PDE6C: variants seen among roughly 807,000 people sequenced by gnomAD.
PDE6C encodes the protein cone cGMP-specific 3',5'-cyclic phosphodiesterase subunit alpha'.
A neutral mutation model predicts 113.1 loss-of-function variants in PDE6C; 75 were observed. That is an observed-to-expected ratio of 0.66 (90% CI 0.55 to 0.80). The LOEUF is 0.80. Among genes scored for constraint, PDE6C ranks in the 30% least tolerant of loss-of-function variants. The pLI is 0.00. For missense variants in PDE6C, 912 were observed against 1,038.6 expected (o/e 0.88, Z 1.67); for synonymous variants, 375 against 363.7 (o/e 1.03, Z -0.35).
chr10:93,619,614 C>T (rs2058435731), intron 1 of PDE6C, among the ~76,000 whole-genome samples: 1 of 152,228 alleles, frequency 6.6e-6, no homozygotes, highest in East Asian at 1.9e-4. Context: ...TTAGTAGAGA[C>T]AGGGTTTCAT....
Position 93,640,450 on chromosome 10 carries a change from G to A in PDE6C, c.1630G>A (p.Val544Ile). 6.2e-7 allele frequency: 1 copy of A among 1,606,452 alleles called. No individual in the cohort carries two copies. The highest frequency in any genetic ancestry group is 1.1e-5 in the South Asian group (1 of 90,934). Reference protein sequence around the residue: ...VVEKFKVPVEVLTRWMYTVRK... With the variant: ...VVEKFKVPVEILTRWMYTVRK... ...TCTGAATGGTGTCATCTTCTTTTAG[G>A]TTCTTACCAGATGGATGTACACTGT... Residue 544 changes from valine (V) to isoleucine (I), a missense_variant and splice_region_variant, in exon 13 of 22, where the codon GTT becomes ATT. Coordinates refer to ENST00000371447, the MANE Select transcript of PDE6C (RefSeq NM_006204.4).
rs1410533122 is a variant in PDE6C at position 93,655,789 on chromosome 10, G to GCGGC, written c.1966_1969dup (p.Gln657ProfsTer4). On this transcript the variant is annotated frameshift_variant, in exon 16 of 22. Coordinates refer to ENST00000371447, the MANE Select transcript of PDE6C (RefSeq NM_006204.4). LOFTEE classifies it high-confidence loss of function. ...TAAACATCTTCCAGAACCTAAATAA[G>GCGGC]CGGCAGTTTGAAACAGTTATTCATT... is the stretch of plus-strand genomic sequence containing the variant. 1 of 1,606,718 alleles carries GCGGC rather than the reference G, an allele frequency of 6.2e-7. No individual in the cohort carries two copies.
At chr10:93,634,012 C>T (rs545398416) in intron 8 of PDE6C, among the ~76,000 whole-genome samples, 4 of 152,060 alleles carry the variant, frequency 2.6e-5, no homozygotes, top group African/African-American at 9.6e-5. Flanking sequence ...CATCTAACAC[C>T]AAAAGATTAC....
chr10:93,640,169 C>A lies in PDE6C; in HGVS notation c.1582C>A (p.Leu528Met). The A allele has an allele frequency of 6.2e-7, 1 of 1,613,340 alleles. No homozygotes were observed. Among genetic ancestry groups the A allele is most frequent in the Non-Finnish European group, 8.5e-7 (1 of 1,179,320 alleles). Reference sequence around the variant, plus strand: ...CGGATTGATTAAATGTGGAATACGACTGTTTTTTGAAATAAATGTGGTGGA... The same window carrying A: ...CGGATTGATTAAATGTGGAATACGAATGTTTTTTGAAATAAATGTGGTGGA... Reference protein sequence around the residue: ...EHGLIKCGIRLFFEINVVEKF... With the variant: ...EHGLIKCGIRMFFEINVVEKF... Residue 528 changes from leucine (L) to methionine (M), a missense_variant, in exon 12 of 22, where the codon CTG (leucine) becomes ATG (methionine). Leu to Met is a conservative substitution (Grantham distance 15). Transcript: ENST00000371447.
At chr10:93,619,425 TTTTC>T (rs1026595279) in intron 1 of PDE6C, among the ~76,000 whole-genome samples, 2 of 152,158 alleles carry the variant, frequency 1.3e-5, no homozygotes, top group African/African-American at 4.8e-5. Flanking sequence ...GAACCTTTCT[TTTTC>T]TTTTTCTTTT....
intron 13 of PDE6C, 135 bp from the exon 14 acceptor site, chr10:93,640,785 A>G (rs2058555859): frequency 1.4e-6 from 1 of 717,068 alleles, no homozygotes; most frequent in Admixed American, 2.1e-5. Context: ...CCACAGTACT[A>G]CAATACTCAC....
At chr10:93,637,395 A>G (rs2134609071) in intron 11 of PDE6C, among the ~76,000 whole-genome samples, 1 of 152,226 alleles carries the variant, frequency 6.6e-6, no homozygotes, top group East Asian at 1.9e-4. Context: ...CACCACAGAG[A>G]ACATGACAGA....
At chr10:93,617,898 G>T (rs373589613) in intron 1 of PDE6C, among the ~76,000 whole-genome samples, 12 of 152,304 alleles carry the variant, frequency 7.9e-5, no homozygotes, top group Non-Finnish European at 1.8e-4. Context: ...TGGATAACAG[G>T]GTGGAAGGGA....
At position 93,634,802 on chromosome 10, in the gene PDE6C, G is replaced by A. The variant is rs1477604889; in HGVS notation, c.1164G>A (p.Leu388=). 5 of 1,613,990 alleles carry A rather than the reference G, an allele frequency of 3.1e-6. No homozygotes were observed. Among genetic ancestry groups the A allele is most frequent in the Admixed American group, 1.7e-5 (1 of 60,004 alleles). Residue 388 remains leucine, a synonymous_variant, in exon 9 of 22, where the codon TTG becomes TTA. Coordinates refer to ENST00000371447, the MANE Select transcript of PDE6C (RefSeq NM_006204.4). Reference sequence around the variant, plus strand: ...CTGGTTGGGTCATTAAGAATGTTTTGTCCCTGCCTATTGTCAACAAGAAAG... The same window carrying A: ...CTGGTTGGGTCATTAAGAATGTTTTATCCCTGCCTATTGTCAACAAGAAAG... ...DETGWVIKNV[L]SLPIVNKKED...
intron 15 of PDE6C, among the ~76,000 whole-genome samples, chr10:93,654,017 T>G (rs1204445116): frequency 6.6e-6 from 1 of 152,204 alleles, no homozygotes; most frequent in Non-Finnish European, 1.5e-5. Flanking sequence ...TGGTCTTAGG[T>G]TTGCAATTCT....
At chr10:93,623,579 T>A (rs2058458859) in intron 4 of PDE6C, among the ~76,000 whole-genome samples, 1 of 152,204 alleles carries the variant, frequency 6.6e-6, no homozygotes, top group African/African-American at 2.4e-5. Flanking sequence ...TCCTAGAATT[T>A]TTATACTTTT....
At chr10:93,644,857 G>GTA (rs911966427) in intron 14 of PDE6C, among the ~76,000 whole-genome samples, 6 of 117,330 alleles carry the variant, frequency 5.1e-5, no homozygotes, top group Non-Finnish European at 5.9e-5. Flanking sequence ...TATATATAGT[G>GTA]TATATATATA....
intron 15 of PDE6C, among the ~76,000 whole-genome samples, chr10:93,654,770 C>CTTTCT (rs1464176627): frequency 2.1e-5 from 1 of 46,950 alleles, no homozygotes; most frequent in African/African-American, 9.1e-5. Context: ...TTCTTTCTTT[C>CTTTCT]TTTCTTTCTT....
At chr10:93,640,780 G>A in intron 13 of PDE6C, 140 bp from the exon 14 acceptor site, 1 of 711,566 alleles carries the variant, frequency 1.4e-6, no homozygotes, top group African/African-American at 1.8e-5. Flanking sequence ...TTCACCCACA[G>A]TACTACAATA....
intron 18 of PDE6C, among the ~76,000 whole-genome samples, chr10:93,660,509 G>A (rs1005985106): frequency 6.6e-6 from 1 of 152,134 alleles, no homozygotes; most frequent in Non-Finnish European, 1.5e-5. Context: ...TGCTTCAGGG[G>A]AAGGTCAGAA....
intron 4 of PDE6C, among the ~76,000 whole-genome samples, chr10:93,622,650 G>T (rs2184776): frequency 0.031 from 3,317 of 106,008 alleles, 155 homozygotes; most frequent in African/African-American, 0.073. Flanking sequence ...TTTTTTTTTT[G>T]TTTTTTTTTT....
chr10:93,634,016 A>G (rs1309458192), intron 8 of PDE6C, among the ~76,000 whole-genome samples: 1 of 152,030 alleles, frequency 6.6e-6, no homozygotes, highest in Non-Finnish European at 1.5e-5. Context: ...TAACACCAAA[A>G]GATTACTCTT....
Position 93,640,158 on chromosome 10 carries a change from G to A in PDE6C, c.1571G>A (p.Cys524Tyr), listed in dbSNP as rs1292991479. The A allele has an allele frequency of 6.2e-7, 1 of 1,613,526 alleles. No individual in the cohort carries two copies. Among genetic ancestry groups the A allele is most frequent in the Non-Finnish European group, 8.5e-7 (1 of 1,179,468 alleles). ...FPLTEHGLIK[C>Y]GIRLFFEINV... ...CTTACAGAGCACGGATTGATTAAAT[G>A]TGGAATACGACTGTTTTTTGAAATA... Residue 524 changes from cysteine (C) to tyrosine (Y), a missense_variant, in exon 12 of 22, where the codon TGT becomes TAT. Coordinates refer to ENST00000371447, the MANE Select transcript of PDE6C (RefSeq NM_006204.4).
At chr10:93,635,347 C>A in intron 9 of PDE6C, 150 bp from the exon 10 acceptor site, 1 of 651,354 alleles carries the variant, frequency 1.5e-6, no homozygotes, top group Non-Finnish European at 2.7e-6. Flanking sequence ...TTGTCTGAAG[C>A]TGATTATTAG....
Sources: gnomAD v4.1 joint callset for allele counts (sites outside exome capture counted in the v4.1 genomes callset) on GRCh38, gnomAD v4.1.1 for gene constraint, MANE v1.5 for transcripts, NCBI Gene and HGNC (gene_info 2026-07-23, HGNC 2026-07-21) for gene names.